Variants in C6orf118 observed in about 807,000 individuals in gnomAD.
C6orf118 encodes uncharacterized protein C6orf118.
In C6orf118, 50 loss-of-function variants were observed where a neutral mutation model predicts 50.2. That is an observed-to-expected ratio of 1.00 (90% CI 0.79 to 1.26). The LOEUF is 1.26. Ranked by LOEUF, C6orf118 falls within the 50% of genes most tolerant of loss-of-function variation. The pLI is 0.00. For synonymous variants in C6orf118, 239 were observed against 230.9 expected (o/e 1.03, Z -0.32); for missense variants, 641 against 578.7 (o/e 1.11, Z -1.10).
chr6:165,289,930 TA>T lies in C6orf118; in HGVS notation c.1257del (p.His419GlnfsTer15). Reference sequence around the variant, plus strand: ...TTCTCAGTGATATCTGAAATTCCAGTATGAACCAAAGTTGTTTTAATTTCTT... The same window carrying T: ...TTCTCAGTGATATCTGAAATTCCAGTTGAACCAAAGTTGTTTTAATTTCTT... Reference protein sequence around the residue: ...LEKEIKTTLVHTGISDITENR... With the variant: ...LEKEIKTTLVXTGISDITENR... On this transcript the variant is annotated frameshift_variant, in exon 7 of 9. Coordinates refer to ENST00000230301, the MANE Select transcript of C6orf118 (RefSeq NM_144980.4). LOFTEE classifies it high-confidence loss of function. 1 of 1,609,636 alleles carries T rather than the reference TA, an allele frequency of 6.2e-7. No homozygotes were observed. Among genetic ancestry groups the T allele is most frequent in the Non-Finnish European group, 8.5e-7 (1 of 1,178,074 alleles).
chr6:165,307,210 A>AC (rs58324850), intron 1 of C6orf118, among the ~76,000 whole-genome samples: 1,283 of 114,498 alleles, frequency 0.011, 3 homozygotes, highest in South Asian at 0.017. Context: ...CCATCCCCCC[A>AC]CCCCCCCCAC....
chr6:165,301,049 T>A (rs547269), intron 2 of C6orf118, among the ~76,000 whole-genome samples: 57,774 of 151,882 alleles, frequency 0.38, 11,328 homozygotes, highest in South Asian at 0.42. Flanking sequence ...GAACATCTGA[T>A]TTACTGTTGC....
chr6:165,297,666 A>T (rs1189517295), intron 5 of C6orf118, among the ~76,000 whole-genome samples: 1 of 152,170 alleles, frequency 6.6e-6, no homozygotes, highest in African/African-American at 2.4e-5. Context: ...CAATAGGGGC[A>T]TTCATATAAG....
intron 7 of C6orf118, among the ~76,000 whole-genome samples, chr6:165,284,732 A>C (rs1779845289): frequency 6.6e-6 from 1 of 152,218 alleles, no homozygotes. Flanking sequence ...AATAAGCTTC[A>C]TAAGCAAAGG....
At chr6:165,309,442 G>T in intron 1 of C6orf118, 120 bp downstream of exon 1, 1 of 1,213,274 alleles carries the variant, frequency 8.2e-7, no homozygotes, top group Non-Finnish European at 1.2e-6. Context: ...CCCTGGAGCC[G>T]GCGTGCAGCC....
At chr6:165,284,516 TA>T (rs1779838454) in intron 7 of C6orf118, among the ~76,000 whole-genome samples, 1 of 152,052 alleles carries the variant, frequency 6.6e-6, no homozygotes. Context: ...CCAATATACA[TA>T]ATCATCAGAT....
intron 7 of C6orf118, among the ~76,000 whole-genome samples, chr6:165,282,586 T>A (rs574022802): frequency 6.6e-5 from 10 of 152,032 alleles, no homozygotes; most frequent in Admixed American, 4.6e-4. Flanking sequence ...TAAATGAAAT[T>A]ATATTTTTTA....
rs1779731434 is a variant in C6orf118 at position 165,281,548 on chromosome 6, T to C, written c.1356+92A>G. The C allele has an allele frequency of 2.8e-6, 4 of 1,433,072 alleles. No individual in the cohort carries two copies. In the South Asian group the frequency reaches 5.8e-5, roughly 21 times the overall value. The allele number at this position is 1,433,072 out of a possible 1,614,324, so 88.8% of individuals were successfully genotyped here. A position where few individuals can be genotyped will look rare whatever the true frequency, so the allele number is the denominator to read the frequency against. On this transcript the variant is annotated intron_variant, in intron 8 of 8. Transcript: ENST00000230301. ...TGGTTTTCAGTAACCTACAAAGAAT[T>C]ACGATCAGTTGGTCATGCTTATTAC... is the stretch of plus-strand genomic sequence containing the variant.
At chr6:165,296,713 C>G (rs1780323748) in intron 5 of C6orf118, among the ~76,000 whole-genome samples, 1 of 152,170 alleles carries the variant, frequency 6.6e-6, no homozygotes, top group Non-Finnish European at 1.5e-5. Context: ...GTGTTTCAGG[C>G]AGCTCCCCAC....
intron 7 of C6orf118, among the ~76,000 whole-genome samples, chr6:165,285,577 C>A (rs968694057): frequency 6.6e-6 from 1 of 151,328 alleles, no homozygotes; most frequent in Non-Finnish European, 1.5e-5. Context: ...CAATAACAAA[C>A]AGTCTCCCAG....
At chr6:165,283,607 A>C (rs955092839) in intron 7 of C6orf118, among the ~76,000 whole-genome samples, 25 of 152,202 alleles carry the variant, frequency 1.6e-4, no homozygotes, top group Non-Finnish European at 2.9e-5. Context: ...CAAAGCTCCC[A>C]GAGGAAGGAG....
chr6:165,295,820 A>G (rs1780275006), intron 5 of C6orf118, among the ~76,000 whole-genome samples: 1 of 151,960 alleles, frequency 6.6e-6, no homozygotes, highest in Non-Finnish European at 1.5e-5. Flanking sequence ...ACATTTCTAA[A>G]GGATGCTGCT....
intron 7 of C6orf118, among the ~76,000 whole-genome samples, chr6:165,287,852 C>T (rs1419614929): frequency 1.3e-5 from 2 of 152,070 alleles, no homozygotes; most frequent in Non-Finnish European, 2.9e-5. Flanking sequence ...CTAAGCAATA[C>T]CATTCAGGAT....
intron 1 of C6orf118, among the ~76,000 whole-genome samples, chr6:165,307,453 G>T (rs1194102259): frequency 6.6e-6 from 1 of 151,900 alleles, no homozygotes; most frequent in East Asian, 1.9e-4. Context: ...CTGATACTCA[G>T]AGGCGGAGGC....
At chr6:165,293,968 C>T (rs1016994589) in intron 5 of C6orf118, among the ~76,000 whole-genome samples, 2 of 151,990 alleles carry the variant, frequency 1.3e-5, no homozygotes, top group African/African-American at 2.4e-5. Context: ...TACAAGAGGC[C>T]GGGCATGGTG....
intron 3 of C6orf118, 108 bp downstream of exon 3, chr6:165,300,255 AG>A (rs1365400195): frequency 2.3e-6 from 3 of 1,313,216 alleles, no homozygotes; most frequent in Non-Finnish European, 3.2e-6. Flanking sequence ...TGTCTGTAGA[AG>A]GGGGCCTGTG....
intron 6 of C6orf118, 70 bp from the exon 7 acceptor site, chr6:165,290,137 T>A: frequency 1.1e-6 from 1 of 890,314 alleles, no homozygotes; most frequent in Non-Finnish European, 1.7e-6. Context: ...GCATTATGTA[T>A]TATTAACAAT....
At chr6:165,305,635 C>A (rs1780692503) in intron 1 of C6orf118, among the ~76,000 whole-genome samples, 1 of 91,504 alleles carries the variant, frequency 1.1e-5, no homozygotes, top group Non-Finnish European at 1.9e-5. Context: ...AAGAAAAAAA[C>A]AAACAACCCC....
chr6:165,294,268 C>A (rs1297103645), intron 5 of C6orf118, among the ~76,000 whole-genome samples: 4,634 of 112,306 alleles, frequency 0.041, 260 homozygotes, highest in African/African-American at 0.13. Context: ...AAAAAAAAAA[C>A]AAAAAAAAAA....
Sources: gnomAD v4.1 joint callset for allele counts (sites outside exome capture counted in the v4.1 genomes callset) on GRCh38, gnomAD v4.1.1 for gene constraint, MANE v1.5 for transcripts, NCBI Gene and HGNC (gene_info 2026-07-23, HGNC 2026-07-21) for gene names.